The following TRPM7 variants were observed in gnomAD, a reference collection of about 807,000 sequenced individuals.
TRPM7 encodes the protein transient receptor potential cation channel subfamily M member 7.
TRPM7 carries 134 observed loss-of-function variants against 229.7 expected under a neutral mutation model. The ratio of observed to expected loss-of-function variants is 0.58; its 90% CI spans 0.51 to 0.67. The LOEUF is 0.67. Among genes scored for constraint, TRPM7 ranks in the 30% least tolerant of loss-of-function variants. TRPM7 has a pLI of 0.00. For synonymous variants in TRPM7, 699 were observed against 715.2 expected (o/e 0.98, Z 0.36); for missense variants, 1,901 against 2,210.0 (o/e 0.86, Z 2.80).
intron 23 of TRPM7, among the ~76,000 whole-genome samples, chr15:50,594,832 A>T (rs1013391691): frequency 4.6e-5 from 7 of 152,210 alleles, no homozygotes; most frequent in Admixed American, 1.3e-4. Flanking sequence ...AAAAAATTTA[A>T]AATATTGTAT....
At position 50,612,737 on chromosome 15, in the gene TRPM7, T is replaced by C. The variant is rs2060095668; in HGVS notation, c.1863A>G (p.Pro621=). 4 of 1,614,146 alleles carry C rather than the reference T, an allele frequency of 2.5e-6. No homozygotes were observed. Among genetic ancestry groups the C allele is most frequent in the Non-Finnish European group, 2.5e-6 (3 of 1,180,014 alleles). The stretch of plus-strand genomic sequence containing the variant: ...AAGCCCAAATTAAAAGTTCATTAAG[T>C]GGATAAGGAAAGCGCTTGGTTTCTG... The part of the protein sequence containing the change: ...DDPETKRFPY[P]LNELLIWACL... Residue 621 remains proline, a synonymous_variant, in exon 16 of 39, where the codon CCA becomes CCG. Coordinates refer to ENST00000646667, the MANE Select transcript of TRPM7 (RefSeq NM_017672.6).
At chr15:50,596,066 TAATC>T (rs952357695) in intron 23 of TRPM7, among the ~76,000 whole-genome samples, 185 bp downstream of exon 23, 9 of 152,184 alleles carry the variant, frequency 5.9e-5, no homozygotes, top group Non-Finnish European at 1.2e-4. Flanking sequence ...GGTTGAAAGA[TAATC>T]AAACTTAAAA....
intron 1 of TRPM7, among the ~76,000 whole-genome samples, chr15:50,663,890 G>A (rs1028226927): frequency 1.3e-4 from 20 of 152,140 alleles, no homozygotes; most frequent in African/African-American, 4.3e-4. Flanking sequence ...CTAAGCCGAG[G>A]AGGCTGAGGA....
chr15:50,666,670 T>G (rs2061890475), intron 1 of TRPM7, among the ~76,000 whole-genome samples: 1 of 151,840 alleles, frequency 6.6e-6, no homozygotes, highest in African/African-American at 2.4e-5. Context: ...GGCATGGTGG[T>G]GCATGCCTAT....
At chr15:50,633,042 A>C in intron 8 of TRPM7, 50 bp from the exon 9 acceptor site, 1 of 1,529,088 alleles carries the variant, frequency 6.5e-7, no homozygotes, top group Non-Finnish European at 8.8e-7. Context: ...CATTATTTGT[A>C]GGATCAATAT....
chr15:50,637,827 AT>A, intron 6 of TRPM7, among the ~76,000 whole-genome samples: 1 of 152,350 alleles, frequency 6.6e-6, no homozygotes, highest in East Asian at 1.9e-4. Flanking sequence ...GCAGAATTAT[AT>A]ATTTCATCAT....
intron 12 of TRPM7, among the ~76,000 whole-genome samples, chr15:50,621,157 C>CAAAAAA (rs35848629): frequency 7.7e-5 from 4 of 51,840 alleles, no homozygotes; most frequent in East Asian, 7.4e-4. Context: ...GACTCCGTCT[C>CAAAAAA]AAAAAAAAAA....
chr15:50,659,070 C>G (rs529708693), intron 2 of TRPM7, among the ~76,000 whole-genome samples: 1 of 151,900 alleles, frequency 6.6e-6, no homozygotes, highest in Non-Finnish European at 1.5e-5. Flanking sequence ...TGGTGGCACA[C>G]GCCTGTAATT....
At chr15:50,569,587 A>C (rs1287052321) in intron 38 of TRPM7, among the ~76,000 whole-genome samples, 2 of 152,128 alleles carry the variant, frequency 1.3e-5, no homozygotes, top group Admixed American at 1.3e-4. Flanking sequence ...ATTCAACATG[A>C]GGCTAAACTC....
At chr15:50,619,322 G>A (rs1282014004) in intron 13 of TRPM7, among the ~76,000 whole-genome samples, 1 of 151,152 alleles carries the variant, frequency 6.6e-6, no homozygotes, top group East Asian at 1.9e-4. Context: ...CTGGCCTCAA[G>A]TGATCCTCCC....
At chr15:50,650,871 A>G (rs951530474) in intron 3 of TRPM7, among the ~76,000 whole-genome samples, 2 of 152,148 alleles carry the variant, frequency 1.3e-5, no homozygotes, top group Non-Finnish European at 2.9e-5. Context: ...CATAAAATTC[A>G]CTATTGTCAG....
intron 33 of TRPM7, among the ~76,000 whole-genome samples, chr15:50,575,470 G>T (rs996891345): frequency 1.3e-5 from 2 of 152,150 alleles, no homozygotes; most frequent in Admixed American, 1.3e-4. Flanking sequence ...TAAATTACTA[G>T]ATAGTGGATC....
chr15:50,663,364 G>C (rs1268964905), intron 1 of TRPM7, among the ~76,000 whole-genome samples: 1 of 152,196 alleles, frequency 6.6e-6, no homozygotes, highest in Non-Finnish European at 1.5e-5. Context: ...GACCTCAGGT[G>C]ATCTGCCTGC....
In TRPM7 at chr15:50,593,735, C is replaced by T. The variant is rs527763327; in HGVS notation, c.3490G>A (p.Glu1164Lys). The T allele has an allele frequency of 1.9e-6, 3 of 1,608,762 alleles. No homozygotes were observed. The highest frequency in any genetic ancestry group is 2.7e-5 in the African/African-American group (2 of 74,850). Residue 1164 changes from glutamate to lysine, a missense_variant, in exon 25 of 39, where the codon GAA (glutamate) becomes AAA (lysine). Transcript: ENST00000646667. The stretch of plus-strand genomic sequence containing the variant: ...TCATGAAGTTTCTTTTGATCTTCTT[C>T]TGTTAAGAAAAGTTCTATGGGAGGA... ...TSDGPKLFLT[E>K]EDQKKLHDFE...
At chr15:50,682,173 C>CAAAAAAAAAAAAAAAAAAAAAAAAAA (rs34590459) in intron 1 of TRPM7, among the ~76,000 whole-genome samples, 3 of 63,684 alleles carry the variant, frequency 4.7e-5, no homozygotes, top group Non-Finnish European at 8.4e-5. Context: ...AACTCAGTCT[C>CAAAAAAAAAAAAAAAAAAAAAAAAAA]AAAAAAAAAA....
intron 30 of TRPM7, 53 bp downstream of exon 30, chr15:50,580,821 C>A: frequency 6.6e-7 from 1 of 1,513,928 alleles, no homozygotes; most frequent in Non-Finnish European, 8.9e-7. Flanking sequence ...AAAAAGACAA[C>A]ATTCAATAAC....
chr15:50,574,326 G>A lies in TRPM7; in HGVS notation c.5256C>T (p.Ser1752=). The A allele has an allele frequency of 1.9e-6, 3 of 1,613,906 alleles. No homozygotes were observed. The highest frequency in any genetic ancestry group is 2.5e-6 in the Non-Finnish European group (3 of 1,179,922). The change falls in exon 36 of 39, where the codon AGC becomes AGT. Residue 1752 remains serine, a synonymous_variant. Coordinates refer to ENST00000646667, the MANE Select transcript of TRPM7 (RefSeq NM_017672.6). The part of the protein sequence containing the change: ...NTLEEIMLAF[S]HWTYEYTRGE... Reference sequence around the variant, plus strand: ...CTCTTGTATATTCGTAAGTCCAGTGGCTAAAGGCTAGCATGATCTCTTCCA... The same window carrying A: ...CTCTTGTATATTCGTAAGTCCAGTGACTAAAGGCTAGCATGATCTCTTCCA...
At chr15:50,642,960 G>A (rs1315980945) in intron 5 of TRPM7, among the ~76,000 whole-genome samples, 1 of 151,980 alleles carries the variant, frequency 6.6e-6, no homozygotes, top group East Asian at 1.9e-4. Context: ...TCTATATTCA[G>A]TGTTGATCTG....
intron 6 of TRPM7, among the ~76,000 whole-genome samples, chr15:50,639,220 A>G (rs1465179172): frequency 1.3e-5 from 2 of 152,230 alleles, no homozygotes; most frequent in African/African-American, 4.8e-5. Flanking sequence ...CAGCATTTAT[A>G]TTTATGAACT....
Sources: allele counts gnomAD v4.1 joint callset (sites outside exome capture counted in the v4.1 genomes callset), GRCh38; gene constraint gnomAD v4.1.1; transcripts MANE v1.5; gene names NCBI Gene and HGNC (gene_info 2026-07-23, HGNC 2026-07-21).